The following CORO7 variants were observed in gnomAD, a reference collection of about 807,000 sequenced individuals.
CORO7 encodes coronin-7.
CORO7 carries 107 observed loss-of-function variants against 126.6 expected under a neutral mutation model. That is an observed-to-expected ratio of 0.85 (90% CI 0.72 to 0.99). CORO7 has a LOEUF of 0.99. Among genes scored for constraint, CORO7 ranks in the 50% least tolerant of loss-of-function variants. The pLI is 0.00. For synonymous variants in CORO7, 603 were observed against 536.8 expected, an observed-to-expected ratio of 1.12 and a Z score of -1.70; for missense variants, 1,314 against 1,255.8, an observed-to-expected ratio of 1.05 and a Z score of -0.70.
At chr16:4,416,322 T>C in intron 1 of CORO7, 137 bp downstream of exon 1, 1 of 1,261,562 alleles carries the variant, frequency 7.9e-7, no homozygotes, top group Non-Finnish European at 1.0e-6. Context: ...GGCCCTGGCC[T>C]GAAGGGGGGT....
Position 4,382,124 on chromosome 16 carries a change from A to G in CORO7, c.785+5862T>C, listed in dbSNP as rs1047384831. On this transcript the variant is annotated intron_variant, in intron 9 of 27. Transcript: ENST00000251166. ...GACTGCCCACCGTCCACCTGCCTCA[A>G]TGGGGGCACATGCCACCTGGGGACA... The G allele has an allele frequency of 5.7e-6, 9 of 1,588,410 alleles. No individual in the cohort carries two copies. The highest frequency in any genetic ancestry group is 1.3e-5 in the African/African-American group (1 of 74,460).
chr16:4,356,852 A>G (rs1346273371), intron 26 of CORO7: 5 of 372,082 alleles, frequency 1.3e-5, no homozygotes, highest in Admixed American at 4.4e-5. Context: ...CACCAGATAC[A>G]AGGGCTACTA....
In CORO7 at chr16:4,356,779, C is replaced by T. The variant is rs967585696; in HGVS notation, c.2685+389G>A. The T allele has an allele frequency of 1.7e-5, 4 of 231,252 alleles. No homozygotes were observed. The Admixed American group carries it at 2.1e-4, about 12-fold the overall frequency. 14.3% of individuals were successfully genotyped at this position (231,252 alleles called of 1,614,324 possible). On this transcript the variant is annotated intron_variant, in intron 26 of 27. Coordinates refer to ENST00000251166, the MANE Select transcript of CORO7 (RefSeq NM_024535.5). ...CAGCCCTGACAAAATCGATGGGTTTCTATTGAAAAAGACACAAAGAAGAGA... is the reference window on the plus strand; with the variant it reads ...CAGCCCTGACAAAATCGATGGGTTTTTATTGAAAAAGACACAAAGAAGAGA...
At chr16:4,371,518 T>TG (rs2054520142) in intron 9 of CORO7, among the ~76,000 whole-genome samples, 1 of 152,198 alleles carries the variant, frequency 6.6e-6, no homozygotes, top group Non-Finnish European at 1.5e-5. Flanking sequence ...GCAGAGGCCC[T>TG]GGGGTGGACT....
intron 1 of CORO7, chr16:4,416,023 G>T (rs759682947): frequency 2.6e-6 from 1 of 389,440 alleles, no homozygotes; most frequent in African/African-American, 2.2e-5. Context: ...GAGGAGAGAG[G>T]GGCGTCTCCC....
intron 1 of CORO7, among the ~76,000 whole-genome samples, chr16:4,415,160 C>A (rs967088901): frequency 6.6e-6 from 1 of 152,148 alleles, no homozygotes; most frequent in Admixed American, 6.6e-5. Context: ...GCCCCTCCCC[C>A]TAACTTTTCA....
chr16:4,401,064 A>T (rs2055784258), intron 6 of CORO7, among the ~76,000 whole-genome samples: 1 of 152,188 alleles, frequency 6.6e-6, no homozygotes, highest in Non-Finnish European at 1.5e-5. Flanking sequence ...TCCCTGAGAG[A>T]TGAGTAGCCT....
At chr16:4,392,716 G>A (rs768481902) in intron 7 of CORO7, among the ~76,000 whole-genome samples, 1 of 152,224 alleles carries the variant, frequency 6.6e-6, no homozygotes, top group Non-Finnish European at 1.5e-5. Context: ...CCGGCCCCTC[G>A]GCTCACACCG....
chr16:4,362,738 C>A lies in CORO7; in HGVS notation c.1276G>T (p.Glu426Ter). 7.1e-7 allele frequency: 1 copy of A among 1,410,558 alleles called. No homozygotes were observed. Among genetic ancestry groups the A allele is most frequent in the Non-Finnish European group, 9.3e-7 (1 of 1,077,138 alleles). 87.4% of individuals were successfully genotyped at this position (1,410,558 alleles called of 1,614,324 possible). A position where few individuals can be genotyped will look rare whatever the true frequency, so the allele number is the denominator to read the frequency against. ...GAACTGGGAGGGGAAGAGAAACCCTCCTGGGGAGGGGCATGGGGTCAGCCA... is the reference window on the plus strand; with the variant it reads ...GAACTGGGAGGGGAAGAGAAACCCTACTGGGGAGGGGCATGGGGTCAGCCA... ...ETPVGDADAS[E>*]GFSSPPSSLT... Residue 426 changes from glutamate to a stop codon, truncating the protein, a stop_gained and splice_region_variant, in exon 15 of 28, where the codon GAG (glutamate) becomes TAG (stop). Transcript: ENST00000251166. LOFTEE classifies it high-confidence loss of function. The surrounding 1 kb of genome is among the most constrained non-coding windows in gnomAD (Gnocchi z 5.3).
rs993589331 is a variant in CORO7 at position 4,362,360 on chromosome 16, C to T, written c.1403-200G>A. On this transcript the variant is annotated intron_variant, in intron 15 of 27. Transcript: ENST00000251166. The surrounding 1 kb of genome is among the most constrained non-coding windows in gnomAD (Gnocchi z 5.3). ...TGATATACCCTGTTCCATGGTGGCTCGGGGAATCTTGGTGGAGCCCAGGGC... is the reference window on the plus strand; with the variant it reads ...TGATATACCCTGTTCCATGGTGGCTTGGGGAATCTTGGTGGAGCCCAGGGC... 2.6e-5 allele frequency among the ~76,000 whole-genome samples: 4 copies of T among 152,106 alleles called. No homozygotes were observed. Among genetic ancestry groups the T allele is most frequent in the African/African-American group, 7.2e-5 (3 of 41,398 alleles).
At chr16:4,399,404 C>G (rs1391953238) in intron 6 of CORO7, among the ~76,000 whole-genome samples, 1 of 152,142 alleles carries the variant, frequency 6.6e-6, no homozygotes, top group Non-Finnish European at 1.5e-5. Context: ...GTATATGATT[C>G]CACTTATGTG....
intron 9 of CORO7, among the ~76,000 whole-genome samples, chr16:4,386,937 T>C (rs943435348): frequency 2.0e-5 from 3 of 152,094 alleles, no homozygotes; most frequent in African/African-American, 7.2e-5. Context: ...CCCAGACACA[T>C]ACCCTTGCTG....
At chr16:4,355,834 G>C (rs996422432) in intron 26 of CORO7, among the ~76,000 whole-genome samples, 4 of 152,120 alleles carry the variant, frequency 2.6e-5, no homozygotes, top group Admixed American at 2.0e-4. Context: ...CTGGAGTGCA[G>C]TGGTGCAATC....
chr16:4,365,825 C>T (rs1386636617), intron 9 of CORO7, among the ~76,000 whole-genome samples: 17 of 152,166 alleles, frequency 1.1e-4, no homozygotes. Flanking sequence ...CGATCTCAGC[C>T]ACAGCTCTTC....
At chr16:4,391,278 C>T (rs115206022) in intron 7 of CORO7, among the ~76,000 whole-genome samples, 21 of 152,134 alleles carry the variant, frequency 1.4e-4, no homozygotes, top group African/African-American at 4.8e-4. Context: ...AACACTAGGC[C>T]GGCACAGTGG....
rs554894145 is a variant in CORO7, at chr16:4,408,182, G to A, written c.302C>T (p.Thr101Met). 2.9e-5 allele frequency: 47 copies of A among 1,614,132 alleles called. No individual in the cohort carries two copies. The highest frequency in any genetic ancestry group is 5.3e-5 in the African/African-American group (4 of 75,032). The change falls in exon 4 of 28, where the codon ACG (threonine) becomes ATG (methionine). Residue 101 changes from threonine to methionine, a missense_variant and splice_region_variant. Physicochemically the swap from Thr to Met is moderately conservative, Grantham distance 81. Transcript: ENST00000251166. ...GCTCTTCCAACTGGCTCCACTCACC[G>A]TCCTGTCAGCCGAGCCTGTGGCCAG... The part of the protein sequence containing the change: ...FLLATGSADR[T>M]VKLWRLPGPG...
At chr16:4,357,037 G>T in intron 26 of CORO7, 131 bp downstream of exon 26, 1 of 1,211,662 alleles carries the variant, frequency 8.3e-7, no homozygotes. Context: ...TCCCCACCAG[G>T]CTCTGGTGTG....
At position 4,388,055 on chromosome 16, in the gene CORO7, T is replaced by C; in HGVS notation, c.716A>G (p.Glu239Gly). Residue 239 changes from glutamate to glycine, a missense_variant, in exon 9 of 28, where the codon GAA becomes GGA. Transcript: ENST00000251166. ...STGFNQMRER[E>G]VKLWDTRFFS... ...GAACCGCGTGTCCCACAGCTTCACT[T>C]CGCGCTCACGCATCTGCAGGGAGGG... is the stretch of plus-strand genomic sequence containing the variant. 6.2e-7 allele frequency: 1 copy of C among 1,612,746 alleles called. No individual in the cohort carries two copies. The highest frequency in any genetic ancestry group is 1.1e-5 in the South Asian group (1 of 91,002).
rs753652206 is a variant in CORO7 at position 4,388,087 on chromosome 16, A to C, written c.703-19T>G. 2.5e-6 allele frequency: 4 copies of C among 1,602,076 alleles called. 1 individual carries two copies. In the Admixed American group the frequency reaches 5.1e-5, roughly 21 times the overall value. The stretch of plus-strand genomic sequence containing the variant: ...CACGCATCTGCAGGGAGGGCGAGAG[A>C]GGGGCTCAGAGGGGCCTGTCCCTCA... On this transcript the variant is annotated intron_variant, in intron 8 of 27. Transcript: ENST00000251166.
Sources: gnomAD v4.1 joint callset for allele counts (sites outside exome capture counted in the v4.1 genomes callset) on GRCh38, gnomAD v4.1.1 for gene constraint, Gnocchi (gnomAD v3.1) non-coding constraint, MANE v1.5 for transcripts, NCBI Gene and HGNC (gene_info 2026-07-23, HGNC 2026-07-21) for gene names.